CDH13: variants seen among roughly 807,000 people sequenced by gnomAD.
CDH13 encodes the protein cadherin 13, also known as cadherin-13.
In CDH13, 24 loss-of-function variants were observed where a neutral mutation model predicts 63.8. That is an observed-to-expected ratio of 0.38 (90% CI 0.27 to 0.53). The LOEUF is 0.53. Ranked by LOEUF, CDH13 falls within the 20% of genes least tolerant of loss-of-function variation. CDH13 has a pLI of 0.85. For missense variants in CDH13, 1,049 were observed against 903.1 expected (o/e 1.16, Z -2.07); for synonymous variants, 503 against 355.3 (o/e 1.42, Z -4.67).
chr16:83,759,661 C>T lies in CDH13; in HGVS notation c.1681+11411C>T, dbSNP rs141604828. On this transcript the variant is annotated intron_variant, in intron 11 of 13. Transcript: ENST00000567109. ...ATGCTGCAGGCCTGGTACAGTGGCTCATGCCCTATAATCCCAGCACCTTGG... is the reference window on the plus strand; with the variant it reads ...ATGCTGCAGGCCTGGTACAGTGGCTTATGCCCTATAATCCCAGCACCTTGG... 7.9e-5 allele frequency among the ~76,000 whole-genome samples: 12 copies of T among 152,278 alleles called. No homozygotes were observed. In the East Asian group the frequency reaches 1.2e-3, roughly 15 times the overall value.
chr16:83,463,575 A>C (rs1441238351), intron 6 of CDH13, among the ~76,000 whole-genome samples: 5 of 152,136 alleles, frequency 3.3e-5, no homozygotes, highest in Admixed American at 2.0e-4. Context: ...CCACAGCAGG[A>C]GGTTCACTTG....
chr16:83,592,172 C>G (rs1427240878), intron 7 of CDH13, among the ~76,000 whole-genome samples: 1 of 152,178 alleles, frequency 6.6e-6, no homozygotes. Context: ...TCGCACCATC[C>G]CGCACAATGC....
intron 1 of CDH13, among the ~76,000 whole-genome samples, chr16:82,634,302 C>T (rs572235092): frequency 2.0e-5 from 3 of 152,342 alleles, no homozygotes; most frequent in South Asian, 2.1e-4. Flanking sequence ...GTCAGGGAAC[C>T]GCTTTCTTGT....
intron 4 of CDH13, among the ~76,000 whole-genome samples, chr16:83,179,789 T>A (rs2038275170): frequency 6.6e-6 from 1 of 152,212 alleles, no homozygotes; most frequent in Admixed American, 6.5e-5. Context: ...CCCCTAGATT[T>A]AGGATAAAAT....
chr16:83,420,752 G>T (rs1017687492), intron 6 of CDH13, among the ~76,000 whole-genome samples: 7 of 152,168 alleles, frequency 4.6e-5, no homozygotes, highest in Non-Finnish European at 7.4e-5. Context: ...GTCCGAATCC[G>T]AGAGCCCCAA....
intron 2 of CDH13, among the ~76,000 whole-genome samples, chr16:82,918,619 C>A (rs765206235): frequency 1.3e-4 from 19 of 151,640 alleles, no homozygotes; most frequent in Admixed American, 4.6e-4. Flanking sequence ...AGCGCTCCTC[C>A]TGCCTCAGCT....
chr16:83,033,654 C>T (rs1916586591), intron 3 of CDH13, among the ~76,000 whole-genome samples: 1 of 152,282 alleles, frequency 6.6e-6, no homozygotes. Context: ...CCCTGCACTC[C>T]CACACATATG....
At chr16:82,709,071 C>G (rs955810008) in intron 1 of CDH13, among the ~76,000 whole-genome samples, 2 of 152,178 alleles carry the variant, frequency 1.3e-5, no homozygotes, top group African/African-American at 4.8e-5. Flanking sequence ...AGTTACATCG[C>G]TGGTCAGCTC....
intron 6 of CDH13, among the ~76,000 whole-genome samples, chr16:83,391,870 T>G (rs914745053): frequency 1.3e-5 from 2 of 152,190 alleles, no homozygotes; most frequent in Non-Finnish European, 2.9e-5. Flanking sequence ...TACGAAAATA[T>G]TTGGGGTTTG....
rs1567574870 is a variant in CDH13 at position 83,301,024 on chromosome 16, G to GTTTTT, written c.637-43838_637-43837insTTTTT. 9.8e-4 allele frequency among the ~76,000 whole-genome samples: 53 copies of GTTTTT among 53,974 alleles called. 1 individual carries two copies. The highest frequency in any genetic ancestry group is 2.6e-3 in the African/African-American group (39 of 14,898). The allele number at this position is 53,974 out of a possible 152,430, so 35.4% of individuals were successfully genotyped here. A position where few individuals can be genotyped will look rare whatever the true frequency, so the allele number is the denominator to read the frequency against. On this transcript the variant is annotated intron_variant, in intron 5 of 13. Transcript: ENST00000567109. ...TGAACTGATACATATAACTTTCTGGGGTTTTTTTTTTTTTTTTTTTTTTTT... is the reference window on the plus strand; with the variant it reads ...TGAACTGATACATATAACTTTCTGGGTTTTTGTTTTTTTTTTTTTTTTTTTTTTTT...
At chr16:82,631,001 A>G (rs1015462317) in intron 1 of CDH13, among the ~76,000 whole-genome samples, 1 of 152,190 alleles carries the variant, frequency 6.6e-6, no homozygotes, top group South Asian at 2.1e-4. Flanking sequence ...TCCTTATTCC[A>G]CATTAATTGC....
At chr16:83,448,004 A>G (rs746249803) in intron 6 of CDH13, among the ~76,000 whole-genome samples, 6 of 152,160 alleles carry the variant, frequency 3.9e-5, no homozygotes, top group South Asian at 4.1e-4. Context: ...TTGACTCCCA[A>G]TAGGAACTTG....
At chr16:82,865,355 C>G (rs1408025561) in intron 2 of CDH13, among the ~76,000 whole-genome samples, 1 of 152,222 alleles carries the variant, frequency 6.6e-6, no homozygotes, top group Non-Finnish European at 1.5e-5. Flanking sequence ...CATGAGGGCT[C>G]TGCCTCTGCA....
At chr16:82,684,661 C>G (rs1370782604) in intron 1 of CDH13, among the ~76,000 whole-genome samples, 2 of 151,766 alleles carry the variant, frequency 1.3e-5, no homozygotes, top group African/African-American at 4.8e-5. Flanking sequence ...CTACTGGTTC[C>G]ATAGCATGGA....
In CDH13 at chr16:82,840,937, G is replaced by A. The variant is rs1381238405; in HGVS notation, c.46-17425G>A. Among the ~76,000 whole-genome samples the A allele has an allele frequency of 3.3e-5, 5 of 152,188 alleles. No homozygotes were observed. In the East Asian group the frequency reaches 9.6e-4, roughly 29 times the overall value. On this transcript the variant is annotated intron_variant, in intron 1 of 13. Coordinates refer to ENST00000567109, the MANE Select transcript of CDH13 (RefSeq NM_001257.5). ...AAGGTCAGAAAGTTAGTGTCAATGAGTGAGGAGGCTTGGGTAGAAGAAAAG... is the reference window on the plus strand; with the variant it reads ...AAGGTCAGAAAGTTAGTGTCAATGAATGAGGAGGCTTGGGTAGAAGAAAAG...
intron 7 of CDH13, among the ~76,000 whole-genome samples, chr16:83,559,779 G>T (rs535101145): frequency 6.6e-6 from 1 of 152,246 alleles, no homozygotes; most frequent in South Asian, 2.1e-4. Context: ...CTGTCACAAA[G>T]AACAGGGATT....
chr16:83,580,608 C>A (rs1385429616), intron 7 of CDH13, among the ~76,000 whole-genome samples: 1 of 151,904 alleles, frequency 6.6e-6, no homozygotes, highest in Non-Finnish European at 1.5e-5. Context: ...AATCCTCCCA[C>A]CTTAGCCTTC....
At chr16:83,762,786 T>C (rs1914082180) in intron 11 of CDH13, among the ~76,000 whole-genome samples, 1 of 152,154 alleles carries the variant, frequency 6.6e-6, no homozygotes. Context: ...TTGAAAATTG[T>C]GTAGGGTTCA....
intron 7 of CDH13, among the ~76,000 whole-genome samples, chr16:83,524,084 C>T (rs958141766): frequency 2.0e-5 from 3 of 152,202 alleles, no homozygotes; most frequent in African/African-American, 7.2e-5. Context: ...ATTAGTGAAA[C>T]AGAACCCCGA....
Sources: gnomAD v4.1 joint callset for allele counts (sites outside exome capture counted in the v4.1 genomes callset) on GRCh38, gnomAD v4.1.1 for gene constraint, MANE v1.5 for transcripts, NCBI Gene and HGNC (gene_info 2026-07-23, HGNC 2026-07-21) for gene names.